PRICKLE2: variants seen among roughly 807,000 people sequenced by gnomAD.
The protein encoded by PRICKLE2 is prickle-like protein 2.
Under a neutral mutation model 81.4 loss-of-function variants are expected in PRICKLE2, and 21 were observed. The ratio of observed to expected loss-of-function variants is 0.26; its 90% CI spans 0.18 to 0.37. PRICKLE2 has a LOEUF of 0.37. Among genes scored for constraint, PRICKLE2 ranks in the 10% least tolerant of loss-of-function variants. The probability of loss-of-function intolerance (pLI) is 1.00; values close to 1 mark genes in which losing one functional copy is unlikely to be tolerated. For missense variants in PRICKLE2, 940 were observed against 1,109.0 expected (o/e 0.85, Z 2.16); for synonymous variants, 456 against 421.5 (o/e 1.08, Z -1.00).
intron 2 of PRICKLE2, among the ~76,000 whole-genome samples, chr3:64,245,263 T>G (rs1261967373): frequency 5.5e-5 from 8 of 144,866 alleles, no homozygotes; most frequent in African/African-American, 2.1e-4. Flanking sequence ...CAAAAAAGTT[T>G]AGATGGGTCA....
Position 64,159,977 on chromosome 3 carries a change from G to A in PRICKLE2, c.359C>T (p.Pro120Leu), listed in dbSNP as rs1368761534. 2.5e-6 allele frequency: 4 copies of A among 1,614,134 alleles called. No individual in the cohort carries two copies. In the East Asian group the frequency reaches 8.9e-5, roughly 36 times the overall value. Reference sequence around the variant, plus strand: ...AGCTCCTGTCATGGTGACTGGGAAAGGCCTGACATTCCCGCGGCCCAAGTT... The same window carrying A: ...AGCTCCTGTCATGGTGACTGGGAAAAGCCTGACATTCCCGCGGCCCAAGTT... ...RENLGRGNVR[P>L]FPVTMTGAIC... The change falls in exon 4 of 8, where the codon CCT (proline) becomes CTT (leucine). Residue 120 changes from proline (P) to leucine (L), a missense_variant. Around this residue, in one of 2 missense-constraint regions of PRICKLE2, gnomAD observed 270 missense variants for 391.8 expected, o/e 0.69. Transcript: ENST00000638394.
intron 2 of PRICKLE2, among the ~76,000 whole-genome samples, chr3:64,193,226 G>C (rs2078379075): frequency 6.6e-6 from 1 of 152,162 alleles, no homozygotes; most frequent in Non-Finnish European, 1.5e-5. Context: ...TAAACCCTCA[G>C]CTCCATGGTG....
chr3:64,113,508 T>C (rs2076883984), intron 7 of PRICKLE2, among the ~76,000 whole-genome samples: 1 of 152,112 alleles, frequency 6.6e-6, no homozygotes, highest in Non-Finnish European at 1.5e-5. Context: ...GTGTGGCCTA[T>C]ACAGCCATGC....
intron 2 of PRICKLE2, among the ~76,000 whole-genome samples, chr3:64,257,055 C>A (rs1313499108): frequency 1.3e-5 from 2 of 152,158 alleles, no homozygotes; most frequent in Non-Finnish European, 2.9e-5. Flanking sequence ...GAACCCTGGG[C>A]AAAGTCACAT....
At chr3:64,118,863 A>ACCCC (rs78076903) in intron 7 of PRICKLE2, among the ~76,000 whole-genome samples, 132,016 of 152,032 alleles carry the variant, frequency 0.87, 57,425 homozygotes, top group East Asian at 1. Flanking sequence ...CAACCCAGCA[A>ACCCC]ATAAATATTA....
chr3:64,225,580 G>A (rs986148795), upstream of PRICKLE2: 1 of 420,910 alleles, frequency 2.4e-6, no homozygotes, highest in Non-Finnish European at 3.2e-6. Context: ...AATTAGCCTT[G>A]CCTTCCAAAT....
At chr3:64,236,810 A>T (rs1237708633) in intron 2 of PRICKLE2, among the ~76,000 whole-genome samples, 2 of 152,176 alleles carry the variant, frequency 1.3e-5, no homozygotes, top group African/African-American at 4.8e-5. Flanking sequence ...AACATGAATG[A>T]CGGTGACAAT....
At chr3:64,187,612 C>T (rs760592046) in intron 2 of PRICKLE2, 4 of 152,220 alleles carry the variant, frequency 2.6e-5, no homozygotes, top group Non-Finnish European at 5.9e-5. Context: ...GCTGGTGAGT[C>T]TAATGATGGT....
intron 2 of PRICKLE2, among the ~76,000 whole-genome samples, chr3:64,256,154 G>C (rs753206629): frequency 6.6e-6 from 1 of 152,072 alleles, no homozygotes; most frequent in Non-Finnish European, 1.5e-5. Flanking sequence ...TACATATAAG[G>C]CTCAGCCAGA....
chr3:64,205,519 A>G (rs960894536), intron 1 of PRICKLE2, among the ~76,000 whole-genome samples: 2 of 152,186 alleles, frequency 1.3e-5, no homozygotes, highest in Non-Finnish European at 2.9e-5. Flanking sequence ...TGGCAGGAAT[A>G]CTTATCCTTG....
At chr3:64,177,378 T>C (rs2078044709) in intron 2 of PRICKLE2, among the ~76,000 whole-genome samples, 1 of 151,820 alleles carries the variant, frequency 6.6e-6, no homozygotes, top group Admixed American at 6.6e-5. Flanking sequence ...CTCGATCCAC[T>C]TGCCTCAGCC....
chr3:64,255,491 C>T (rs1364871431), intron 2 of PRICKLE2, among the ~76,000 whole-genome samples: 2 of 152,162 alleles, frequency 1.3e-5, no homozygotes, highest in Non-Finnish European at 1.5e-5. Context: ...TCATTCCTAG[C>T]AGGATGCATA....
chr3:64,210,961 A>G (rs531641189), intron 1 of PRICKLE2, among the ~76,000 whole-genome samples: 2 of 152,322 alleles, frequency 1.3e-5, no homozygotes, highest in East Asian at 1.9e-4. Context: ...TAGGATGCCA[A>G]TAGAGTGTAA....
chr3:64,104,068 A>G (rs1198935308), intron 7 of PRICKLE2, among the ~76,000 whole-genome samples: 1 of 152,244 alleles, frequency 6.6e-6, no homozygotes, highest in Non-Finnish European at 1.5e-5. Context: ...TAAAGAAATT[A>G]ATCAGCTAAA....
chr3:64,205,013 C>T (rs1344599552), intron 1 of PRICKLE2, among the ~76,000 whole-genome samples: 3 of 150,728 alleles, frequency 2.0e-5, no homozygotes, highest in Admixed American at 6.6e-5. Context: ...GAAACATATT[C>T]GGAAGTGTGT....
At chr3:64,107,958 CT>C (rs1228013610) in intron 7 of PRICKLE2, among the ~76,000 whole-genome samples, 4 of 152,016 alleles carry the variant, frequency 2.6e-5, no homozygotes, top group Non-Finnish European at 4.4e-5. Flanking sequence ...TTTTTATTTT[CT>C]TTTTTGCTGA....
chr3:64,153,100 A>C, intron 6 of PRICKLE2, 82 bp downstream of exon 6: 2 of 1,293,120 alleles, frequency 1.5e-6, no homozygotes, highest in Non-Finnish European at 2.2e-6. Flanking sequence ...TAACACTTGC[A>C]ATCAAAGATA....
intron 7 of PRICKLE2, among the ~76,000 whole-genome samples, chr3:64,116,662 T>C (rs906189646): frequency 2.6e-5 from 4 of 152,162 alleles, no homozygotes; most frequent in Non-Finnish European, 5.9e-5. Flanking sequence ...ATTGAATCCC[T>C]GAACAGACCA....
intron 1 of PRICKLE2, among the ~76,000 whole-genome samples, chr3:64,209,380 A>G (rs1335807931): frequency 1.3e-5 from 2 of 151,080 alleles, no homozygotes; most frequent in African/African-American, 4.9e-5. Context: ...ATACATCCAT[A>G]TCTACCCATC....
Sources: gnomAD v4.1 joint callset for allele counts (sites outside exome capture counted in the v4.1 genomes callset) on GRCh38, gnomAD v4.1.1 for gene constraint, gnomAD v4.1.1 regional missense constraint, MANE v1.5 for transcripts, NCBI Gene and HGNC (gene_info 2026-07-23, HGNC 2026-07-21) for gene names.